Variants in UNC5C observed in about 807,000 individuals in gnomAD.
UNC5C encodes the protein netrin receptor UNC5C.
UNC5C carries 47 observed loss-of-function variants against 99.8 expected under a neutral mutation model. That is an observed-to-expected ratio of 0.47 (90% CI 0.37 to 0.60). UNC5C has a LOEUF of 0.60. Among genes scored for constraint, UNC5C ranks in the 20% least tolerant of loss-of-function variants. The pLI, the probability that UNC5C is intolerant of heterozygous loss-of-function variation, is 0.00. For missense variants in UNC5C, 1,062 were observed against 1,165.9 expected, an observed-to-expected ratio of 0.91 and a Z score of 1.30; for synonymous variants, 487 against 452.2, an observed-to-expected ratio of 1.08 and a Z score of -0.98.
intron 4 of UNC5C, 116 bp downstream of exon 4, chr4:95,278,143 A>G (rs560910830): frequency 1.2e-6 from 1 of 843,458 alleles, no homozygotes; most frequent in East Asian, 2.5e-5. Flanking sequence ...TTAGGACTCT[A>G]TTACCAACCA....
chr4:95,182,907 G>T lies in UNC5C; in HGVS notation c.2441C>A (p.Thr814Asn). 4 of 1,612,812 alleles carry T rather than the reference G, an allele frequency of 2.5e-6. No individual in the cohort carries two copies. Among genetic ancestry groups the T allele is most frequent in the Non-Finnish European group, 3.4e-6 (4 of 1,179,060 alleles). ...ACAGGAGCCACTTACCTCTGACACG[G>T]TGCAGTTGAGCTGGAAGATCTGCCC... ...GEGQIFQLNC[T>N]VSEEPTGIDL... The change falls in exon 14 of 16, where the codon ACC becomes AAC. Residue 814 changes from threonine to asparagine, a missense_variant. Physicochemically the swap from Thr to Asn is moderately conservative, Grantham distance 65. Transcript: ENST00000453304.
intron 3 of UNC5C, among the ~76,000 whole-genome samples, chr4:95,290,908 G>T (rs536473085): frequency 9.2e-5 from 14 of 152,174 alleles, no homozygotes; most frequent in Admixed American, 2.0e-4. Context: ...AGAAAGGTAA[G>T]CTTGGTAATT....
intron 1 of UNC5C, among the ~76,000 whole-genome samples, chr4:95,451,032 A>G (rs1263641193): frequency 2.0e-5 from 3 of 152,250 alleles, no homozygotes; most frequent in Non-Finnish European, 4.4e-5. Flanking sequence ...TACTGATTCC[A>G]TACAATGTAA....
At chr4:95,458,689 T>C (rs1426571530) in intron 1 of UNC5C, among the ~76,000 whole-genome samples, 1 of 152,038 alleles carries the variant, frequency 6.6e-6, no homozygotes, top group Non-Finnish European at 1.5e-5. Flanking sequence ...TAGGTACTTA[T>C]GAAATTTTGG....
chr4:95,218,032 G>GGAA (rs1372621207), intron 9 of UNC5C, among the ~76,000 whole-genome samples: 1 of 152,140 alleles, frequency 6.6e-6, no homozygotes, highest in African/African-American at 2.4e-5. Flanking sequence ...GTGAATGACA[G>GGAA]GAAGAATCAA....
intron 4 of UNC5C, among the ~76,000 whole-genome samples, chr4:95,260,489 G>A (rs1740179882): frequency 6.6e-6 from 1 of 152,116 alleles, no homozygotes; most frequent in Non-Finnish European, 1.5e-5. Context: ...TCGATCCATG[G>A]CTTTGATGAC....
intron 12 of UNC5C, among the ~76,000 whole-genome samples, chr4:95,196,130 C>A (rs561387205): frequency 3.3e-5 from 5 of 152,102 alleles, no homozygotes; most frequent in Non-Finnish European, 7.4e-5. Flanking sequence ...TCCACATAGA[C>A]GTATGTTTCT....
At chr4:95,322,327 T>C (rs1340692315) in intron 2 of UNC5C, among the ~76,000 whole-genome samples, 2 of 152,228 alleles carry the variant, frequency 1.3e-5, no homozygotes, top group Non-Finnish European at 2.9e-5. Flanking sequence ...TACTTATTCA[T>C]GAAATATTCC....
chr4:95,284,844 G>A (rs1489736196), intron 3 of UNC5C, among the ~76,000 whole-genome samples: 4 of 152,140 alleles, frequency 2.6e-5, no homozygotes, highest in Admixed American at 1.3e-4. Flanking sequence ...TACAAAAGGG[G>A]CAGAACATCC....
intron 1 of UNC5C, among the ~76,000 whole-genome samples, chr4:95,443,364 T>C (rs1747006081): frequency 6.6e-6 from 1 of 152,152 alleles, no homozygotes; most frequent in South Asian, 2.1e-4. Flanking sequence ...TACCAGAGAG[T>C]AACAGGGTAC....
intron 1 of UNC5C, among the ~76,000 whole-genome samples, chr4:95,470,333 G>A (rs1418776521): frequency 6.6e-6 from 1 of 151,970 alleles, no homozygotes; most frequent in South Asian, 2.1e-4. Flanking sequence ...TAGTTCAAAC[G>A]CATGTTGTTC....
chr4:95,173,993 T>C (rs1447516290), intron 14 of UNC5C, among the ~76,000 whole-genome samples: 6 of 152,188 alleles, frequency 3.9e-5, no homozygotes, highest in Non-Finnish European at 1.5e-5. Context: ...TTGAGGAATT[T>C]ATCCATTTCT....
At chr4:95,283,037 T>G (rs2149396138) in intron 3 of UNC5C, among the ~76,000 whole-genome samples, 1 of 152,244 alleles carries the variant, frequency 6.6e-6, no homozygotes. Flanking sequence ...TGGGGTATTG[T>G]TTTCTAAGTC....
At chr4:95,482,066 C>T (rs1721174308) in intron 1 of UNC5C, among the ~76,000 whole-genome samples, 1 of 152,134 alleles carries the variant, frequency 6.6e-6, no homozygotes, top group Non-Finnish European at 1.5e-5. Flanking sequence ...TCAGAGTGAA[C>T]AGGCAACCTA....
At chr4:95,411,717 T>A (rs1181163559) in intron 1 of UNC5C, among the ~76,000 whole-genome samples, 2 of 152,182 alleles carry the variant, frequency 1.3e-5, no homozygotes, top group Non-Finnish European at 2.9e-5. Context: ...AAATTTAAAA[T>A]CATACTAGTT....
intron 14 of UNC5C, among the ~76,000 whole-genome samples, chr4:95,176,171 C>G (rs1434109013): frequency 6.6e-6 from 1 of 151,966 alleles, no homozygotes; most frequent in Non-Finnish European, 1.5e-5. Context: ...TTTTCAACTT[C>G]TTTGCCTTTG....
chr4:95,520,684 T>A (rs767081600), intron 1 of UNC5C, among the ~76,000 whole-genome samples: 1 of 150,926 alleles, frequency 6.6e-6, no homozygotes, highest in Non-Finnish European at 1.5e-5. Context: ...CTGCAAGCTC[T>A]GCCTCCCAGG....
intron 1 of UNC5C, among the ~76,000 whole-genome samples, chr4:95,398,260 C>A (rs955143689): frequency 6.6e-6 from 1 of 151,946 alleles, no homozygotes; most frequent in African/African-American, 2.4e-5. Context: ...GGAAAGGTAT[C>A]CTCTATTGCT....
At chr4:95,262,280 T>C (rs1012218908) in intron 4 of UNC5C, among the ~76,000 whole-genome samples, 7 of 152,206 alleles carry the variant, frequency 4.6e-5, no homozygotes, top group African/African-American at 1.7e-4. Flanking sequence ...GATGGGTCAC[T>C]GAACATAAAT....
Sources: gnomAD v4.1 joint callset for allele counts (sites outside exome capture counted in the v4.1 genomes callset) on GRCh38, gnomAD v4.1.1 for gene constraint, MANE v1.5 for transcripts, NCBI Gene and HGNC (gene_info 2026-07-23, HGNC 2026-07-21) for gene names.